The following TNRC18 variants were observed in gnomAD, a reference collection of about 807,000 sequenced individuals.
TNRC18 encodes the protein trinucleotide repeat containing 18.
TNRC18 carries 69 observed loss-of-function variants against 226.7 expected under a neutral mutation model. The observed-to-expected ratio is 0.30, with a 90% CI of 0.25 to 0.37. The LOEUF is 0.37. TNRC18 is among the 10% of genes least tolerant of loss of function. TNRC18 has a pLI of 1.00. For missense variants in TNRC18, 4,754 were observed against 4,256.6 expected (o/e 1.12, Z -3.25); for synonymous variants, 2,449 against 1,927.6 (o/e 1.27, Z -7.09).
chr7:5,388,864 G>T lies in TNRC18; in HGVS notation c.960C>A (p.Arg320=). ...GCGGCCCAGGGAGCAGGGTCTCCGT[G>T]CGCCGCAGCAGCCGCGCGCCCTCGT... is the stretch of plus-strand genomic sequence containing the variant. The part of the protein sequence containing the change: ...RQDEGARLLR[R]TETLLPGPRP... The change falls in exon 5 of 30, where the codon CGC becomes CGA. Residue 320 remains arginine, a synonymous_variant. Coordinates refer to ENST00000430969, the MANE Select transcript of TNRC18 (RefSeq NM_001080495.3). 3 of 1,283,990 alleles carry T rather than the reference G, an allele frequency of 2.3e-6. No homozygotes were observed. The highest frequency in any genetic ancestry group is 3.0e-6 in the Non-Finnish European group (3 of 1,011,702). 79.5% of individuals were successfully genotyped at this position (1,283,990 alleles called of 1,614,324 possible). A position where few individuals can be genotyped will look rare whatever the true frequency, so the allele number is the denominator to read the frequency against.
chr7:5,395,865 C>G (rs1324865964), intron 2 of TNRC18, among the ~76,000 whole-genome samples: 4 of 152,142 alleles, frequency 2.6e-5, no homozygotes, highest in African/African-American at 9.7e-5. Flanking sequence ...GATGTGGTGG[C>G]GGGCACCTGT....
At chr7:5,372,131 G>A (rs891232443) in intron 10 of TNRC18, among the ~76,000 whole-genome samples, 8 of 151,274 alleles carry the variant, frequency 5.3e-5, no homozygotes, top group Non-Finnish European at 7.4e-5. Context: ...GCAGTGGCGC[G>A]ATCGCGGCTC....
chr7:5,348,263 C>T (rs943797170), intron 17 of TNRC18, among the ~76,000 whole-genome samples: 16 of 152,230 alleles, frequency 1.1e-4, no homozygotes, highest in African/African-American at 3.9e-4. Flanking sequence ...AAGTGCCACC[C>T]ATGAGCAGGT....
chr7:5,376,100 C>A lies in TNRC18; in HGVS notation c.2733G>T (p.Gln911His), dbSNP rs776549127. Residue 911 changes from glutamine to histidine, a missense_variant, in exon 9 of 30, where the codon CAG becomes CAT. Physicochemically the swap from Gln to His is conservative, Grantham distance 24 (BLOSUM62 0). Transcript: ENST00000430969. ...CCTGCTGCTGCAGGTACAGGAACTC[C>A]TGCTGCCGCAGGAAGTGCTGCTGTG... is the stretch of plus-strand genomic sequence containing the variant. ...LFSQQHFLRQ[Q>H]EFLYLQQQAA... is the part of the protein sequence containing the mutation. 6.3e-7 allele frequency: 1 copy of A among 1,593,212 alleles called. No individual in the cohort carries two copies. Among genetic ancestry groups the A allele is most frequent in the East Asian group, 2.3e-5 (1 of 43,788 alleles).
intron 2 of TNRC18, among the ~76,000 whole-genome samples, chr7:5,408,741 G>A (rs757420027): frequency 5.3e-5 from 8 of 152,184 alleles, no homozygotes; most frequent in Non-Finnish European, 8.8e-5. Flanking sequence ...GAAACACTTA[G>A]GCTTGGAGCA....
intron 2 of TNRC18, among the ~76,000 whole-genome samples, chr7:5,417,158 A>G (rs1263873564): frequency 1.3e-5 from 2 of 148,988 alleles, no homozygotes; most frequent in Non-Finnish European, 3.0e-5. Context: ...CTGTCTCTAA[A>G]AAAAAAAAAA....
intron 19 of TNRC18, among the ~76,000 whole-genome samples, chr7:5,328,447 C>T (rs958862187): frequency 3.3e-5 from 5 of 151,504 alleles, no homozygotes; most frequent in Non-Finnish European, 7.4e-5. Context: ...GCAGGAGGAT[C>T]ACTTGAGCCC....
At chr7:5,403,455 C>G (rs1162409170) in intron 2 of TNRC18, among the ~76,000 whole-genome samples, 1 of 151,914 alleles carries the variant, frequency 6.6e-6, no homozygotes, top group Non-Finnish European at 1.5e-5. Context: ...CCACCATGCC[C>G]GGTTTATCTT....
intron 16 of TNRC18, 90 bp from the exon 17 acceptor site, chr7:5,352,184 C>A (rs576690540): frequency 3.7e-6 from 5 of 1,360,946 alleles, no homozygotes; most frequent in Admixed American, 5.4e-5. Flanking sequence ...TGAGAACGTA[C>A]TGGAAGGTGC....
chr7:5,383,388 C>T (rs1268747374), intron 5 of TNRC18, among the ~76,000 whole-genome samples: 1 of 152,142 alleles, frequency 6.6e-6, no homozygotes, highest in East Asian at 1.9e-4. Context: ...ATTCTAAGAC[C>T]CTAATGCCTG....
chr7:5,420,720 T>G, intron 2 of TNRC18: 30 of 537,930 alleles, frequency 5.6e-5, no homozygotes, highest in Non-Finnish European at 8.2e-5. Flanking sequence ...CGGGGGCCGG[T>G]TTGTTCTTTT....
intron 18 of TNRC18, among the ~76,000 whole-genome samples, chr7:5,339,066 T>C (rs1419108774): frequency 1.3e-5 from 2 of 150,768 alleles, no homozygotes; most frequent in Non-Finnish European, 2.9e-5. Context: ...GGGAGGCCAA[T>C]GAGCGCAGAT....
In TNRC18 at chr7:5,307,855, T is replaced by G; in HGVS notation, c.*251A>C. On this transcript the variant is annotated 3_prime_UTR_variant, in exon 30 of 30. Coordinates refer to ENST00000430969, the MANE Select transcript of TNRC18 (RefSeq NM_001080495.3). ...AAGGGCCGGTCCGGCCATACCCTGA[T>G]AGCTAAGAGGGGCCCCTGTCCTGGG... The G allele has an allele frequency of 1.8e-6, 1 of 544,660 alleles. No individual in the cohort carries two copies. The highest frequency in any genetic ancestry group is 3.3e-6 in the Non-Finnish European group (1 of 300,734). The allele number at this position is 544,660 out of a possible 1,614,324, so 33.7% of individuals were successfully genotyped here. A position where few individuals can be genotyped will look rare whatever the true frequency, so the allele number is the denominator to read the frequency against.
Position 5,390,648 on chromosome 7 carries a change from A to C in TNRC18, c.344-20T>G. The C allele has an allele frequency of 6.6e-7, 1 of 1,517,502 alleles. No homozygotes were observed. The highest frequency in any genetic ancestry group is 8.8e-7 in the Non-Finnish European group (1 of 1,132,794). The allele number at this position is 1,517,502 out of a possible 1,614,324, so 94.0% of individuals were successfully genotyped here. A position where few individuals can be genotyped will look rare whatever the true frequency, so the allele number is the denominator to read the frequency against. On this transcript the variant is annotated intron_variant, in intron 3 of 29. Coordinates refer to ENST00000430969, the MANE Select transcript of TNRC18 (RefSeq NM_001080495.3). ...AGAAGCCTGTAACAGAAAAGAGAAA[A>C]GCTGGGCTGGGCCAATTCGTGCTGC...
chr7:5,319,636 G>A (rs1286457175), intron 24 of TNRC18, among the ~76,000 whole-genome samples: 2 of 152,136 alleles, frequency 1.3e-5, no homozygotes, highest in Admixed American at 6.6e-5. Flanking sequence ...AGCCTCCCAA[G>A]TAGCTGGGAT....
At chr7:5,417,036 A>T (rs1394407080) in intron 2 of TNRC18, among the ~76,000 whole-genome samples, 4 of 149,700 alleles carry the variant, frequency 2.7e-5, no homozygotes, top group Admixed American at 1.3e-4. Context: ...AGTGGTGCAC[A>T]CCTGAAATCC....
intron 18 of TNRC18, among the ~76,000 whole-genome samples, chr7:5,344,949 T>C (rs961447980): frequency 2.0e-5 from 3 of 152,050 alleles, no homozygotes; most frequent in African/African-American, 7.2e-5. Flanking sequence ...CAAGTGTGAG[T>C]GCCTGCTGCC....
chr7:5,417,656 T>A (rs1304604494), intron 2 of TNRC18, among the ~76,000 whole-genome samples: 1 of 151,952 alleles, frequency 6.6e-6, no homozygotes, highest in Non-Finnish European at 1.5e-5. Flanking sequence ...ATTTGCTGAG[T>A]AAATGAGCAA....
chr7:5,332,481 C>T, intron 19 of TNRC18, 141 bp downstream of exon 19: 1 of 892,380 alleles, frequency 1.1e-6, no homozygotes, highest in Non-Finnish European at 1.6e-6. Context: ...TAAGTCCTAG[C>T]AGGGGCTCCG....
Sources: gnomAD v4.1 joint callset for allele counts (sites outside exome capture counted in the v4.1 genomes callset) on GRCh38, gnomAD v4.1.1 for gene constraint, MANE v1.5 for transcripts, NCBI Gene and HGNC (gene_info 2026-07-23, HGNC 2026-07-21) for gene names.